GSE1: variants seen among roughly 807,000 people sequenced by gnomAD.
GSE1 encodes the protein Gse1 coiled-coil protein.
In GSE1, 32 loss-of-function variants were observed where a neutral mutation model predicts 112.6. That is an observed-to-expected ratio of 0.28 (90% CI 0.21 to 0.38). The LOEUF (loss-of-function observed/expected upper bound fraction) is 0.38. GSE1 is among the 10% of genes least tolerant of loss of function. The probability of loss-of-function intolerance (pLI) is 1.00; values close to 1 mark genes in which losing one functional copy is unlikely to be tolerated. For synonymous variants in GSE1, 1,115 were observed against 735.6 expected (o/e 1.52, Z -8.35); for missense variants, 2,348 against 1,699.2 (o/e 1.38, Z -6.71).
intron 2 of GSE1, among the ~76,000 whole-genome samples, chr16:85,429,844 T>C (rs1305709743): frequency 6.6e-6 from 1 of 152,226 alleles, no homozygotes; most frequent in African/African-American, 2.4e-5. Context: ...TCCAGAGCTC[T>C]GGGTCACAGC....
At chr16:85,305,666 G>C (rs1039706190) in intron 1 of GSE1, among the ~76,000 whole-genome samples, 1 of 151,734 alleles carries the variant, frequency 6.6e-6, no homozygotes, top group African/African-American at 2.4e-5. Flanking sequence ...ATTTTTAACG[G>C]GGTTTCCCCA....
rs139909070 is a variant in GSE1, at chr16:85,212,059, G to A, written c.2283+40252G>A. The stretch of plus-strand genomic sequence containing the variant: ...TTGTGTGTTGCAGCCCTGACCCCCA[G>A]TTCCTCGGAATGTGCCTGTGTCTGT... On this transcript the variant is annotated intron_variant, in intron 1 of 2. Coordinates refer to the GSE1 transcript ENST00000637419. 8.5e-5 allele frequency among the ~76,000 whole-genome samples: 13 copies of A among 152,318 alleles called. No individual in the cohort carries two copies. In the East Asian group the frequency reaches 2.5e-3, roughly 29 times the overall value.
chr16:85,485,107 C>A (rs1174916664), intron 2 of GSE1, among the ~76,000 whole-genome samples: 1 of 152,216 alleles, frequency 6.6e-6, no homozygotes, highest in African/African-American at 2.4e-5. Context: ...CAGACAAAAG[C>A]AGGATTTATG....
At chr16:85,504,853 C>T (rs902437890) in intron 2 of GSE1, among the ~76,000 whole-genome samples, 2 of 152,154 alleles carry the variant, frequency 1.3e-5, no homozygotes, top group African/African-American at 4.8e-5. Context: ...GGCCTTGGCT[C>T]TGCCCCTCTA....
chr16:85,365,830 C>T (rs573886873), intron 2 of GSE1, among the ~76,000 whole-genome samples: 56 of 152,348 alleles, frequency 3.7e-4, no homozygotes, highest in African/African-American at 1.3e-3. Flanking sequence ...CATACCTGGA[C>T]TCCCTCTCCC....
chr16:85,469,884 G>T (rs1249244861), intron 2 of GSE1, among the ~76,000 whole-genome samples: 1 of 152,250 alleles, frequency 6.6e-6, no homozygotes, highest in Non-Finnish European at 1.5e-5. Flanking sequence ...GGTGGGAGGG[G>T]GAGCCAGGGC....
At chr16:85,502,383 C>T (rs1440486007) in intron 2 of GSE1, among the ~76,000 whole-genome samples, 1 of 152,210 alleles carries the variant, frequency 6.6e-6, no homozygotes, top group Non-Finnish European at 1.5e-5. Flanking sequence ...AGCTCATCTG[C>T]TCAGAAGGAC....
intron 1 of GSE1, among the ~76,000 whole-genome samples, chr16:85,312,206 G>GGGGA (rs1186168500): frequency 7.1e-6 from 1 of 141,396 alleles, no homozygotes; most frequent in African/African-American, 2.6e-5. Context: ...TCCTCTTGCG[G>GGGGA]GGGGGGGGGG....
intron 1 of GSE1, among the ~76,000 whole-genome samples, chr16:85,348,447 T>G (rs2046788024): frequency 6.6e-6 from 1 of 152,244 alleles, no homozygotes; most frequent in Non-Finnish European, 1.5e-5. Flanking sequence ...TGGAGAGGCA[T>G]TCCCTAGATT....
At chr16:85,423,529 C>G (rs1462101964) in intron 2 of GSE1, among the ~76,000 whole-genome samples, 2 of 151,630 alleles carry the variant, frequency 1.3e-5, no homozygotes, top group Admixed American at 6.6e-5. Flanking sequence ...TCAACACAGG[C>G]TGGGGGGCCG....
intron 2 of GSE1, among the ~76,000 whole-genome samples, chr16:85,523,192 GTGTGTGTGCACGTGTGCCTGTGGC>G (rs1361086055): frequency 6.6e-6 from 1 of 151,306 alleles, no homozygotes; most frequent in Non-Finnish European, 1.5e-5. Flanking sequence ...TGTCTGCCCT[GTGTGTGTGCACGTGTGCCTGTGGC>G]TGTGTGTCCC....
chr16:85,486,691 C>G (rs144870378), intron 2 of GSE1, among the ~76,000 whole-genome samples: 148 of 152,284 alleles, frequency 9.7e-4, no homozygotes, highest in African/African-American at 3.3e-3. Flanking sequence ...CCCGCCCTCT[C>G]TCCTGCCGCC....
At chr16:85,489,649 G>T (rs1220710713) in intron 2 of GSE1, among the ~76,000 whole-genome samples, 1 of 152,170 alleles carries the variant, frequency 6.6e-6, no homozygotes, top group African/African-American at 2.4e-5. Flanking sequence ...AAGAGGATGG[G>T]CTCTTCCCAG....
At chr16:85,508,095 C>T (rs541631437) in intron 2 of GSE1, among the ~76,000 whole-genome samples, 242 of 152,248 alleles carry the variant, frequency 1.6e-3, no homozygotes, top group South Asian at 3.3e-3. Context: ...GGTGGAGTGA[C>T]TCGATCTCGG....
chr16:85,264,773 G>C (rs1342133645), intron 1 of GSE1, among the ~76,000 whole-genome samples: 6 of 152,184 alleles, frequency 3.9e-5, no homozygotes, highest in Non-Finnish European at 7.3e-5. Flanking sequence ...CCCGTCCCCT[G>C]TGGAGACCCC....
intron 2 of GSE1, among the ~76,000 whole-genome samples, chr16:85,424,598 G>T (rs9923263): frequency 6.6e-6 from 1 of 152,202 alleles, no homozygotes; most frequent in Non-Finnish European, 1.5e-5. Flanking sequence ...CTCCCAGCCC[G>T]CCAGGATCTT....
At chr16:85,230,276 C>T (rs4541064) in intron 1 of GSE1, among the ~76,000 whole-genome samples, 74,408 of 152,056 alleles carry the variant, frequency 0.49, 18,363 homozygotes, top group Admixed American at 0.55. Flanking sequence ...CTGCTCCAAC[C>T]GGCAGGCAAG....
intron 2 of GSE1, among the ~76,000 whole-genome samples, chr16:85,505,025 A>G (rs1276699993): frequency 7.3e-6 from 1 of 137,868 alleles, no homozygotes; most frequent in Non-Finnish European, 1.6e-5. Context: ...ATGTGCACGC[A>G]CACACAGCCC....
At chr16:85,653,540 G>T (rs1176896045) in intron 3 of GSE1, among the ~76,000 whole-genome samples, 3 of 151,340 alleles carry the variant, frequency 2.0e-5, no homozygotes, top group African/African-American at 7.3e-5. Flanking sequence ...TGAGTCCTCT[G>T]GACCACCTTC....
Sources: gnomAD v4.1 joint callset for allele counts (sites outside exome capture counted in the v4.1 genomes callset) on GRCh38, gnomAD v4.1.1 for gene constraint, MANE v1.5 for transcripts, NCBI Gene and HGNC (gene_info 2026-07-23, HGNC 2026-07-21) for gene names.